Variants in SNAP91 observed in about 807,000 individuals in gnomAD.
SNAP91 encodes clathrin coat assembly protein AP180.
A neutral mutation model predicts 100.3 loss-of-function variants in SNAP91; 27 were observed. The ratio of observed to expected loss-of-function variants is 0.27; its 90% CI spans 0.20 to 0.37. The LOEUF (loss-of-function observed/expected upper bound fraction) is 0.37. Ranked by LOEUF, SNAP91 falls within the 10% of genes least tolerant of loss-of-function variation. The pLI, the probability that SNAP91 is intolerant of heterozygous loss-of-function variation, is 1.00. For synonymous variants in SNAP91, 404 were observed against 398.6 expected (o/e 1.01, Z -0.16); for missense variants, 986 against 1,123.7 (o/e 0.88, Z 1.75).
chr6:83,708,094 C>T (rs571919937), intron 1 of SNAP91, 137 bp from the exon 2 acceptor site: 8 of 712,962 alleles, frequency 1.1e-5, no homozygotes, highest in East Asian at 3.2e-5. Flanking sequence ...TCGGAGCCAG[C>T]AACGCGCCAA....
intron 22 of SNAP91, among the ~76,000 whole-genome samples, chr6:83,583,104 C>T (rs116691110): frequency 0.027 from 4,151 of 152,276 alleles, 191 homozygotes; most frequent in African/African-American, 0.093. Flanking sequence ...GCAAAGCAGG[C>T]TGCAGCTGTG....
At chr6:83,560,015 G>T in intron 28 of SNAP91, 89 bp downstream of exon 28, 2 of 1,116,944 alleles carry the variant, frequency 1.8e-6, no homozygotes, top group Non-Finnish European at 2.7e-6. Context: ...GATTACATTA[G>T]GTAAAAACAC....
rs1007973770 is a variant in SNAP91, at chr6:83,616,108, A to G, written c.878+861T>C. Reference sequence around the variant, plus strand: ...GATTCAGAAAATCTACTTAAATCATACATGTAAAAAAAGAAATAGCCACAA... The same window carrying G: ...GATTCAGAAAATCTACTTAAATCATGCATGTAAAAAAAGAAATAGCCACAA... On this transcript the variant is annotated intron_variant, in intron 10 of 29. Coordinates refer to ENST00000369694, the MANE Select transcript of SNAP91 (RefSeq NM_001242792.2). Among the ~76,000 whole-genome samples, 8 of 152,224 alleles carry G rather than the reference A, an allele frequency of 5.3e-5. 1 individual carries two copies. In the South Asian group the frequency reaches 1.4e-3, roughly 28 times the overall value.
At chr6:83,599,380 C>A (rs914696806) in intron 16 of SNAP91, among the ~76,000 whole-genome samples, 1 of 152,176 alleles carries the variant, frequency 6.6e-6, no homozygotes, top group Non-Finnish European at 1.5e-5. Flanking sequence ...TATTATGCAT[C>A]CTGTCCATAT....
intron 17 of SNAP91, among the ~76,000 whole-genome samples, chr6:83,593,945 C>G (rs2094149589): frequency 6.6e-6 from 1 of 152,062 alleles, no homozygotes; most frequent in African/African-American, 2.4e-5. Context: ...TAGTAGGTAC[C>G]ACAAGTTAGC....
chr6:83,631,985 T>A (rs1438246307), intron 8 of SNAP91, among the ~76,000 whole-genome samples: 2 of 152,156 alleles, frequency 1.3e-5, no homozygotes, highest in East Asian at 3.9e-4. Context: ...TTGATGTGTT[T>A]CCAGAATTTG....
At chr6:83,659,153 T>C in intron 5 of SNAP91, 61 bp from the exon 6 acceptor site, 1 of 1,294,906 alleles carries the variant, frequency 7.7e-7, no homozygotes. Flanking sequence ...CAAGACCATA[T>C]GAATTGTTCT....
intron 22 of SNAP91, among the ~76,000 whole-genome samples, chr6:83,587,429 T>C (rs1323358328): frequency 1.3e-5 from 2 of 152,188 alleles, no homozygotes; most frequent in Non-Finnish European, 2.9e-5. Context: ...AATCTTTTTC[T>C]CTCTTCTCTC....
intron 9 of SNAP91, among the ~76,000 whole-genome samples, chr6:83,620,983 G>A (rs752410246): frequency 2.0e-5 from 3 of 151,798 alleles, no homozygotes; most frequent in Non-Finnish European, 2.9e-5. Context: ...GATTACAGGC[G>A]TGAGCCACCG....
intron 8 of SNAP91, among the ~76,000 whole-genome samples, chr6:83,638,231 C>A (rs779207492): frequency 6.6e-6 from 1 of 152,092 alleles, no homozygotes; most frequent in Non-Finnish European, 1.5e-5. Flanking sequence ...TTGAAGGCAA[C>A]TGTGTTGCCT....
chr6:83,701,550 A>G (rs539297660), intron 2 of SNAP91, among the ~76,000 whole-genome samples: 21 of 151,808 alleles, frequency 1.4e-4, no homozygotes, highest in Middle Eastern at 6.8e-3. Context: ...GGGTTCAAGC[A>G]ATTCTCCTGC....
chr6:83,705,050 TTAA>T (rs1348191475), intron 2 of SNAP91, among the ~76,000 whole-genome samples: 1 of 152,212 alleles, frequency 6.6e-6, no homozygotes, highest in African/African-American at 2.4e-5. Flanking sequence ...AGATGTCCTC[TTAA>T]TAATGCATAT....
chr6:83,686,225 T>C, intron 2 of SNAP91: 1 of 984,370 alleles, frequency 1.0e-6, no homozygotes, highest in Non-Finnish European at 1.2e-6. Flanking sequence ...GCACCGGGCC[T>C]GCAAAACATA....
intron 8 of SNAP91, among the ~76,000 whole-genome samples, chr6:83,627,178 C>T (rs896247230): frequency 1.3e-5 from 2 of 152,072 alleles, no homozygotes; most frequent in African/African-American, 2.4e-5. Context: ...TTGAACCAAC[C>T]TTGCATCCTA....
At chr6:83,696,896 T>C (rs2099220460) in intron 2 of SNAP91, among the ~76,000 whole-genome samples, 1 of 152,202 alleles carries the variant, frequency 6.6e-6, no homozygotes, top group Non-Finnish European at 1.5e-5. Flanking sequence ...TTGGAAGTTA[T>C]CCAAATATTT....
chr6:83,699,081 A>C (rs1489916988), intron 2 of SNAP91, among the ~76,000 whole-genome samples: 1 of 152,164 alleles, frequency 6.6e-6, no homozygotes, highest in Non-Finnish European at 1.5e-5. Flanking sequence ...GAATGGCAGC[A>C]CCTGTGGAAC....
chr6:83,637,678 G>T (rs558030903), intron 8 of SNAP91, among the ~76,000 whole-genome samples: 1 of 152,196 alleles, frequency 6.6e-6, no homozygotes, highest in Non-Finnish European at 1.5e-5. Context: ...CTTTCAGGCG[G>T]CACCCTTCTC....
intron 8 of SNAP91, among the ~76,000 whole-genome samples, chr6:83,640,465 G>T (rs1015458791): frequency 6.6e-6 from 1 of 151,966 alleles, no homozygotes; most frequent in African/African-American, 2.4e-5. Flanking sequence ...TAATAACAAT[G>T]TTATAATTTC....
intron 8 of SNAP91, among the ~76,000 whole-genome samples, chr6:83,632,025 T>A (rs1025297915): frequency 6.6e-6 from 1 of 152,156 alleles, no homozygotes; most frequent in African/African-American, 2.4e-5. Flanking sequence ...TTTTAGCAGT[T>A]CTTGTAGTGG....
Sources: allele counts gnomAD v4.1 joint callset (sites outside exome capture counted in the v4.1 genomes callset), GRCh38; gene constraint gnomAD v4.1.1; transcripts MANE v1.5; gene names NCBI Gene and HGNC (gene_info 2026-07-23, HGNC 2026-07-21).